PARD3B: variants seen among roughly 807,000 people sequenced by gnomAD.
The protein encoded by PARD3B is partitioning defective 3 homolog B.
Under a neutral mutation model 130.2 loss-of-function variants are expected in PARD3B, and 103 were observed. The ratio of observed to expected loss-of-function variants is 0.79; its 90% CI spans 0.67 to 0.93. PARD3B has a LOEUF of 0.93. Among genes scored for constraint, PARD3B ranks in the 40% least tolerant of loss-of-function variants. The probability of loss-of-function intolerance (pLI) is 0.00; values close to 1 mark genes in which losing one functional copy is unlikely to be tolerated. For missense variants in PARD3B, 1,609 were observed against 1,499.2 expected (o/e 1.07, Z -1.21); for synonymous variants, 583 against 553.2 (o/e 1.05, Z -0.76).
chr2:204,999,948 C>T (rs1694687536), intron 3 of PARD3B, among the ~76,000 whole-genome samples: 1 of 151,826 alleles, frequency 6.6e-6, no homozygotes, highest in African/African-American at 2.4e-5. Context: ...AAGGGTATTT[C>T]CAGTTCTTTG....
intron 18 of PARD3B, among the ~76,000 whole-genome samples, chr2:205,368,788 G>A (rs1235114884): frequency 6.6e-6 from 1 of 151,680 alleles, no homozygotes; most frequent in Non-Finnish European, 1.5e-5. Flanking sequence ...GGCATGTCGT[G>A]TCCTCAGGCA....
chr2:205,181,279 T>C (rs973313089), intron 13 of PARD3B, among the ~76,000 whole-genome samples: 1 of 152,200 alleles, frequency 6.6e-6, no homozygotes, highest in Non-Finnish European at 1.5e-5. Flanking sequence ...CCAGCATGTA[T>C]CTACCCCTCT....
At chr2:205,488,850 T>A (rs1422111550) in intron 20 of PARD3B, among the ~76,000 whole-genome samples, 2 of 152,184 alleles carry the variant, frequency 1.3e-5, no homozygotes, top group African/African-American at 4.8e-5. Context: ...TCTGTTTGTG[T>A]CTAAGCTCAG....
chr2:204,700,087 G>A (rs1334076618), intron 2 of PARD3B, among the ~76,000 whole-genome samples: 1 of 152,032 alleles, frequency 6.6e-6, no homozygotes, highest in Non-Finnish European at 1.5e-5. Flanking sequence ...TAAAAATCCT[G>A]CAGTACTGTT....
chr2:205,113,371 A>T (rs1703778966), intron 5 of PARD3B, 120 bp from the exon 6 acceptor site: 1 of 536,810 alleles, frequency 1.9e-6, no homozygotes, highest in African/African-American at 2.0e-5. Context: ...AAGTTGTATT[A>T]GTTGATATAA....
At chr2:205,129,252 G>T (rs2031762419) in intron 10 of PARD3B, among the ~76,000 whole-genome samples, 1 of 152,186 alleles carries the variant, frequency 6.6e-6, no homozygotes, top group Non-Finnish European at 1.5e-5. Flanking sequence ...TCCTATTGGA[G>T]AAATAAGGAA....
intron 18 of PARD3B, among the ~76,000 whole-genome samples, chr2:205,381,369 G>A (rs1418923831): frequency 6.7e-6 from 1 of 150,290 alleles, no homozygotes; most frequent in Admixed American, 6.8e-5. Context: ...TTCAATGCTT[G>A]CTAATCAAAA....
At chr2:205,278,369 G>A (rs2041035259) in intron 16 of PARD3B, among the ~76,000 whole-genome samples, 1 of 152,158 alleles carries the variant, frequency 6.6e-6, no homozygotes. Context: ...CAAGATTTCG[G>A]GGACTAGAGA....
At chr2:205,337,063 G>T (rs2043340178) in intron 18 of PARD3B, among the ~76,000 whole-genome samples, 1 of 150,174 alleles carries the variant, frequency 6.7e-6, no homozygotes, top group African/African-American at 2.5e-5. Flanking sequence ...TAGGTTCTTT[G>T]TGACTACATT....
intron 18 of PARD3B, among the ~76,000 whole-genome samples, chr2:205,391,093 T>C (rs941794566): frequency 5.9e-5 from 9 of 152,228 alleles, no homozygotes; most frequent in Non-Finnish European, 1.0e-4. Flanking sequence ...TGGGGCCAAC[T>C]GGGCCTGGGA....
In PARD3B at chr2:204,755,530, A is replaced by AT. The variant is rs368419032; in HGVS notation, c.222+69254dup. Among the ~76,000 whole-genome samples the AT allele has an allele frequency of 2.5e-3, 380 of 152,220 alleles. 2 individuals carry two copies. Among genetic ancestry groups the AT allele is most frequent in the African/African-American group, 8.5e-3 (352 of 41,548 alleles). ...TGGCAAAACCTCTTTGTTAAATGAC[A>AT]TTTTTTGTTCAATGACACATCACAC... On this transcript the variant is annotated intron_variant, in intron 2 of 22. Coordinates refer to ENST00000406610, the MANE Select transcript of PARD3B (RefSeq NM_001302769.2).
At chr2:205,297,572 A>T (rs1381490216) in intron 16 of PARD3B, among the ~76,000 whole-genome samples, 2 of 152,168 alleles carry the variant, frequency 1.3e-5, no homozygotes, top group Non-Finnish European at 2.9e-5. Context: ...CATATGAAAG[A>T]CATGGGGATC....
At chr2:204,585,552 C>T (rs1404856149) in intron 1 of PARD3B, among the ~76,000 whole-genome samples, 5 of 148,542 alleles carry the variant, frequency 3.4e-5, no homozygotes, top group African/African-American at 1.3e-4. Context: ...CTATATTGTC[C>T]TGGCTGGTCC....
intron 4 of PARD3B, among the ~76,000 whole-genome samples, chr2:205,065,117 G>A (rs899813972): frequency 3.3e-5 from 5 of 152,192 alleles, no homozygotes; most frequent in African/African-American, 1.2e-4. Flanking sequence ...CCTCAATAGG[G>A]CAAGCTGCTT....
Position 204,943,478 on chromosome 2 carries a change from A to G in PARD3B, c.223-21674A>G, listed in dbSNP as rs771883872. ...TGATACAGTGCCCTTTCCCAAGCAG[A>G]ACATCTGGTTTACTGCCCCTTGCCC... On this transcript the variant is annotated intron_variant, in intron 2 of 22. Transcript: ENST00000406610. This position sits in a 1 kb window ranked among gnomAD's most constrained non-coding sequence, Gnocchi z 4.2. Among the ~76,000 whole-genome samples, 17 of 152,040 alleles carry G rather than the reference A, an allele frequency of 1.1e-4. No individual in the cohort carries two copies. The highest frequency in any genetic ancestry group is 2.2e-4 in the Non-Finnish European group (15 of 68,018).
Position 205,615,754 on chromosome 2 carries a change from C to T in PARD3B, c.3559C>T (p.Gln1187Ter), listed in dbSNP as rs2055411328. 1 of 1,613,968 alleles carries T rather than the reference C, an allele frequency of 6.2e-7. No individual in the cohort carries two copies. The change falls in exon 23 of 23, where the codon CAG becomes TAG. Residue 1187 changes from glutamine (Q) to a stop codon, truncating the protein, a stop_gained. Transcript: ENST00000406610. LOFTEE classifies it high-confidence loss of function. ...AGGGCCCCGTGGGGGCAGCCCAGAC[C>T]AGTACCCTTACCGAACCCAGGATTC... ...RPGPRGGSPD[Q>*]YPYRTQDSRQ... is the part of the protein sequence containing the mutation.
At chr2:205,075,579 T>C (rs1176111155) in intron 4 of PARD3B, among the ~76,000 whole-genome samples, 2 of 151,894 alleles carry the variant, frequency 1.3e-5, no homozygotes, top group East Asian at 3.9e-4. Context: ...ACCTCTTTTT[T>C]AGGTTGCAAA....
At chr2:205,254,790 G>A (rs1049605700) in intron 16 of PARD3B, among the ~76,000 whole-genome samples, 6 of 150,418 alleles carry the variant, frequency 4.0e-5, no homozygotes, top group East Asian at 3.9e-4. Context: ...TCAGCCTCCC[G>A]AGTAGCTGGG....
chr2:205,016,390 G>T (rs193017368), intron 3 of PARD3B, among the ~76,000 whole-genome samples: 1 of 152,018 alleles, frequency 6.6e-6, no homozygotes, highest in Admixed American at 6.5e-5. Flanking sequence ...CCTTCTTCAC[G>T]TACCTTCACG....
Sources: allele counts gnomAD v4.1 joint callset (sites outside exome capture counted in the v4.1 genomes callset), GRCh38; gene constraint gnomAD v4.1.1; non-coding constraint Gnocchi (gnomAD v3.1); transcripts MANE v1.5; gene names NCBI Gene and HGNC (gene_info 2026-07-23, HGNC 2026-07-21).